The following GMDS variants were observed in gnomAD, a reference collection of about 807,000 sequenced individuals.
GMDS encodes GDP-mannose 4,6-dehydratase, also known as GDP-mannose 4,6 dehydratase.
A neutral mutation model predicts 49.9 loss-of-function variants in GMDS; 20 were observed. The ratio of observed to expected loss-of-function variants is 0.40; its 90% CI spans 0.28 to 0.58. GMDS has a LOEUF of 0.58. Among genes scored for constraint, GMDS ranks in the 20% least tolerant of loss-of-function variants. The pLI is 0.42. For synonymous variants in GMDS, 177 were observed against 178.6 expected (o/e 0.99, Z 0.07); for missense variants, 362 against 481.4 (o/e 0.75, Z 2.32).
intron 1 of GMDS, among the ~76,000 whole-genome samples, chr6:2,170,710 A>T (rs1777958323): frequency 6.6e-6 from 1 of 152,236 alleles, no homozygotes; most frequent in Admixed American, 6.5e-5. Flanking sequence ...AAACTCTAAA[A>T]ACAGGCCAGG....
chr6:2,055,994 T>G (rs1339719232), intron 4 of GMDS, among the ~76,000 whole-genome samples: 1 of 152,144 alleles, frequency 6.6e-6, no homozygotes, highest in African/African-American at 2.4e-5. Flanking sequence ...AATTAATACA[T>G]CTAATTATTA....
intron 9 of GMDS, among the ~76,000 whole-genome samples, chr6:1,700,568 C>T (rs1451600388): frequency 6.6e-6 from 1 of 152,160 alleles, no homozygotes; most frequent in Non-Finnish European, 1.5e-5. Flanking sequence ...AGCTGCACGG[C>T]CACATTTTAA....
At chr6:1,896,512 A>T (rs1760197570) in intron 7 of GMDS, among the ~76,000 whole-genome samples, 1 of 152,128 alleles carries the variant, frequency 6.6e-6, no homozygotes, top group Admixed American at 6.5e-5. Context: ...AGCATGTAAG[A>T]AAGTATAGAC....
chr6:1,801,265 C>T (rs1769939612), intron 7 of GMDS, among the ~76,000 whole-genome samples: 1 of 152,192 alleles, frequency 6.6e-6, no homozygotes. Flanking sequence ...CCAGTTTGTT[C>T]ATGAGTTTTC....
At chr6:1,700,273 A>G (rs1044948325) in intron 9 of GMDS, among the ~76,000 whole-genome samples, 25 of 152,368 alleles carry the variant, frequency 1.6e-4, no homozygotes, top group African/African-American at 5.5e-4. Context: ...TTACTCTGCG[A>G]AAGTTTTTAT....
chr6:2,055,749 A>G (rs1250719354), intron 4 of GMDS, among the ~76,000 whole-genome samples: 3 of 152,132 alleles, frequency 2.0e-5, no homozygotes, highest in East Asian at 1.9e-4. Context: ...AGTATAGCAC[A>G]GTGGTTATTA....
At chr6:1,787,890 G>C (rs1769384638) in intron 7 of GMDS, among the ~76,000 whole-genome samples, 1 of 152,154 alleles carries the variant, frequency 6.6e-6, no homozygotes, top group Non-Finnish European at 1.5e-5. Context: ...GTGTGTACAG[G>C]ACTGAAATGT....
intron 9 of GMDS, among the ~76,000 whole-genome samples, chr6:1,691,153 T>C (rs1232953950): frequency 6.6e-6 from 1 of 152,172 alleles, no homozygotes; most frequent in African/African-American, 2.4e-5. Flanking sequence ...ATGTAGTACA[T>C]ATATACCATG....
At position 1,930,018 on chromosome 6, in the gene GMDS, A is replaced by AG. The variant is rs1762215586; in HGVS notation, c.771+84dup. On this transcript the variant is annotated intron_variant, in intron 7 of 10. Transcript: ENST00000380815. ...CAAAGGTTTGTATGCCCCCACCTCT[A>AG]GGTCACACTTTTTCACTGTACGCTT... is the stretch of plus-strand genomic sequence containing the variant. 10 of 1,228,800 alleles carry AG rather than the reference A, an allele frequency of 8.1e-6. No individual in the cohort carries two copies. In the South Asian group the frequency reaches 1.3e-4, roughly 16 times the overall value. The allele number at this position is 1,228,800 out of a possible 1,614,324, so 76.1% of individuals were successfully genotyped here. A position where few individuals can be genotyped will look rare whatever the true frequency, so the allele number is the denominator to read the frequency against.
chr6:1,832,029 G>C (rs565497579), intron 7 of GMDS, among the ~76,000 whole-genome samples: 88 of 152,060 alleles, frequency 5.8e-4, no homozygotes, highest in African/African-American at 2.0e-3. Context: ...CATCTTACGT[G>C]GTTTGATTAG....
chr6:1,694,901 A>G (rs769080038), intron 9 of GMDS, among the ~76,000 whole-genome samples: 2 of 152,202 alleles, frequency 1.3e-5, no homozygotes. Flanking sequence ...CCCAGAGCCA[A>G]CCCTGCTTTG....
At chr6:1,750,630 T>C (rs1767681535) in intron 7 of GMDS, among the ~76,000 whole-genome samples, 1 of 152,068 alleles carries the variant, frequency 6.6e-6, no homozygotes, top group Non-Finnish European at 1.5e-5. Context: ...ACCAGGGCCC[T>C]GGGTTTCAAG....
Position 1,691,809 on chromosome 6 carries a change from C to T in GMDS, c.987+34607G>A, listed in dbSNP as rs746614464. Among the ~76,000 whole-genome samples, 10 of 152,140 alleles carry T rather than the reference C, an allele frequency of 6.6e-5. No homozygotes were observed. The South Asian group carries it at 1.2e-3, about 19-fold the overall frequency. ...CTACCTTTAACATTTTTGTTTATCA[C>T]TGGTTTTGTGCTGTATGATTATGAA... On this transcript the variant is annotated intron_variant, in intron 9 of 10. Coordinates refer to ENST00000380815, the MANE Select transcript of GMDS (RefSeq NM_001500.4).
At chr6:1,687,156 T>C (rs142066911) in intron 9 of GMDS, among the ~76,000 whole-genome samples, 169 of 152,224 alleles carry the variant, frequency 1.1e-3, no homozygotes, top group Middle Eastern at 6.8e-3. Context: ...CCTACATCAG[T>C]AACCCCTTCA....
intron 4 of GMDS, among the ~76,000 whole-genome samples, chr6:2,031,973 A>C (rs1254814416): frequency 6.6e-6 from 1 of 152,192 alleles, no homozygotes; most frequent in Non-Finnish European, 1.5e-5. Flanking sequence ...TTACTGCCTA[A>C]TTTCTCCTAA....
At chr6:2,216,729 C>A (rs541111671) in intron 1 of GMDS, among the ~76,000 whole-genome samples, 1 of 145,862 alleles carries the variant, frequency 6.9e-6, no homozygotes, top group South Asian at 2.3e-4. Flanking sequence ...AAGGAGGAAG[C>A]ACATCTGTAA....
intron 7 of GMDS, among the ~76,000 whole-genome samples, chr6:1,758,606 T>C (rs1768045914): frequency 6.6e-6 from 1 of 152,232 alleles, no homozygotes; most frequent in South Asian, 2.1e-4. Flanking sequence ...CTGGCCCCCT[T>C]GAGGCCTGGA....
intron 9 of GMDS, among the ~76,000 whole-genome samples, chr6:1,669,646 C>G (rs575889612): frequency 6.6e-6 from 1 of 152,114 alleles, no homozygotes; most frequent in Non-Finnish European, 1.5e-5. Context: ...GGTACAGTGG[C>G]TCATGCCTGT....
intron 2 of GMDS, among the ~76,000 whole-genome samples, chr6:2,119,564 C>A (rs1775027335): frequency 6.6e-6 from 1 of 152,062 alleles, no homozygotes; most frequent in Admixed American, 6.6e-5. Context: ...TCAAGACAAG[C>A]CAAAATGTGT....
Sources: gnomAD v4.1 joint callset for allele counts (sites outside exome capture counted in the v4.1 genomes callset) on GRCh38, gnomAD v4.1.1 for gene constraint, MANE v1.5 for transcripts, NCBI Gene and HGNC (gene_info 2026-07-23, HGNC 2026-07-21) for gene names.